NINL: variants seen among roughly 807,000 people sequenced by gnomAD.
The protein encoded by NINL is ninein-like protein.
NINL carries 153 observed loss-of-function variants against 160.3 expected under a neutral mutation model. The ratio of observed to expected loss-of-function variants is 0.95; its 90% confidence interval spans 0.84 to 1.09. NINL has a LOEUF of 1.09. Ranked by LOEUF, NINL falls within the 50% of genes least tolerant of loss-of-function variation. The pLI is 0.00. For synonymous variants in NINL, 800 were observed against 734.8 expected, an observed-to-expected ratio of 1.09 and a Z score of -1.43; for missense variants, 1,829 against 1,764.0, an observed-to-expected ratio of 1.04 and a Z score of -0.66.
chr20:25,530,878 C>CCA (rs1176495466), intron 1 of NINL, among the ~76,000 whole-genome samples: 7 of 152,156 alleles, frequency 4.6e-5, no homozygotes, highest in African/African-American at 9.7e-5. Context: ...AAGTTTCAGG[C>CCA]ACACATTGTC....
chr20:25,568,512 A>G (rs1222987140), intron 1 of NINL, among the ~76,000 whole-genome samples: 2 of 152,044 alleles, frequency 1.3e-5, no homozygotes. Flanking sequence ...CCGCTCAAGC[A>G]ATCCTCCTAC....
chr20:25,520,378 AT>A (rs2064241436), intron 2 of NINL, among the ~76,000 whole-genome samples: 1 of 152,238 alleles, frequency 6.6e-6, no homozygotes, highest in African/African-American at 2.4e-5. Flanking sequence ...AAGAATTTGC[AT>A]GAGCACACCT....
At chr20:25,552,455 A>G (rs774946993) in intron 1 of NINL, among the ~76,000 whole-genome samples, 8 of 152,076 alleles carry the variant, frequency 5.3e-5, no homozygotes, top group Non-Finnish European at 1.0e-4. Flanking sequence ...TAAATCTACT[A>G]AAAAAAATAA....
chr20:25,525,957 CA>C (rs1228991161), intron 2 of NINL, among the ~76,000 whole-genome samples: 1 of 152,194 alleles, frequency 6.6e-6, no homozygotes, highest in Non-Finnish European at 1.5e-5. Flanking sequence ...GTTCTTTCAA[CA>C]GTAGCTTGCA....
At chr20:25,541,659 G>A (rs1185939900) in intron 1 of NINL, among the ~76,000 whole-genome samples, 2 of 152,200 alleles carry the variant, frequency 1.3e-5, no homozygotes, top group African/African-American at 2.4e-5. Context: ...TATAAAATGA[G>A]CTCTTTCTAT....
At chr20:25,473,681 C>G (rs1438161412) in intron 17 of NINL, among the ~76,000 whole-genome samples, 15 of 34,458 alleles carry the variant, frequency 4.4e-4, no homozygotes, top group African/African-American at 1.8e-3. Flanking sequence ...CACATACACA[C>G]ACACACACAC....
At chr20:25,468,411 G>A (rs2062972690) in intron 18 of NINL, among the ~76,000 whole-genome samples, 2 of 149,142 alleles carry the variant, frequency 1.3e-5, no homozygotes, top group African/African-American at 5.0e-5. Flanking sequence ...TCACTGGTGG[G>A]TGCCCCCCTG....
chr20:25,580,316 AGAGT>A (rs1239374613), intron 1 of NINL, among the ~76,000 whole-genome samples: 2 of 151,852 alleles, frequency 1.3e-5, no homozygotes, highest in African/African-American at 4.8e-5. Context: ...CCTGGGCAAC[AGAGT>A]GAGACTCCAC....
chr20:25,496,577 C>T (rs1462927616), intron 10 of NINL, 86 bp downstream of exon 10: 9 of 1,523,892 alleles, frequency 5.9e-6, no homozygotes, highest in Middle Eastern at 1.7e-4. Flanking sequence ...GCAGCTCTGG[C>T]CCCTGGCAGC....
chr20:25,478,244 G>A (rs1456059278), intron 16 of NINL, among the ~76,000 whole-genome samples: 9 of 152,250 alleles, frequency 5.9e-5, no homozygotes, highest in African/African-American at 1.2e-4. Context: ...CACCGCATCC[G>A]GCCGGAAAGA....
chr20:25,546,837 C>T (rs941149028), intron 1 of NINL, among the ~76,000 whole-genome samples: 2 of 135,000 alleles, frequency 1.5e-5, no homozygotes, highest in African/African-American at 2.5e-5. Flanking sequence ...GACAAGGCAC[C>T]GTGGCCAGAC....
At chr20:25,576,410 G>A (rs1039398107) in intron 1 of NINL, among the ~76,000 whole-genome samples, 18 of 152,260 alleles carry the variant, frequency 1.2e-4, no homozygotes, top group African/African-American at 3.9e-4. Flanking sequence ...GACTGCAGCA[G>A]GGTAGTCACC....
chr20:25,453,571 T>G lies in NINL; in HGVS notation c.4029A>C (p.Ala1343=). 1 of 1,614,128 alleles carries G rather than the reference T, an allele frequency of 6.2e-7. No individual in the cohort carries two copies. Among genetic ancestry groups the G allele is most frequent in the Non-Finnish European group, 8.5e-7 (1 of 1,179,998 alleles). ...LYVENAHLVR[A]LQATEEKQRG... ...GCTGCTTCTCCTCGGTGGCCTGAAGTGCTCTCACCAGGTGGGCGTTCTCCA... is the reference window on the plus strand; with the variant it reads ...GCTGCTTCTCCTCGGTGGCCTGAAGGGCTCTCACCAGGTGGGCGTTCTCCA... Residue 1343 remains alanine (A), a synonymous_variant, in exon 24 of 24, where the codon GCA becomes GCC. Coordinates refer to ENST00000278886, the MANE Select transcript of NINL (RefSeq NM_025176.6).
Position 25,476,788 on chromosome 20 carries a change from C to T in NINL, c.2503G>A (p.Val835Met). 1 of 1,612,488 alleles carries T rather than the reference C, an allele frequency of 6.2e-7. No homozygotes were observed. The highest frequency in any genetic ancestry group is 8.5e-7 in the Non-Finnish European group (1 of 1,179,920). ...EMQALPKDGLVAGSGQEGTRG... is the reference protein window; with the variant it reads ...EMQALPKDGLMAGSGQEGTRG... ...GTGCCCTCCTGGCCACTTCCTGCCA[C>T]CAGCCCATCTTTCGGCAGGGCCTGC... is the stretch of plus-strand genomic sequence containing the variant. The change falls in exon 17 of 24, where the codon GTG becomes ATG. Residue 835 changes from valine (V) to methionine (M), a missense_variant. By Grantham distance (21) the Val-to-Met change is conservative. Coordinates refer to ENST00000278886, the MANE Select transcript of NINL (RefSeq NM_025176.6).
chr20:25,455,891 G>C (rs1174924294), intron 22 of NINL, 105 bp from the exon 23 acceptor site: 1 of 816,646 alleles, frequency 1.2e-6, no homozygotes, highest in Admixed American at 1.9e-5. Context: ...TCAGGAGTTT[G>C]AGACCAACCT....
chr20:25,520,280 G>T (rs1160335197), intron 2 of NINL, among the ~76,000 whole-genome samples: 1 of 152,064 alleles, frequency 6.6e-6, no homozygotes, highest in African/African-American at 2.4e-5. Flanking sequence ...TCAACAGAAG[G>T]GCTATTAGGC....
rs762297693 is a variant in NINL at position 25,476,395 on chromosome 20, C to A, written c.2896G>T (p.Ala966Ser). Residue 966 changes from alanine (A) to serine (S), a missense_variant, in exon 17 of 24, where the codon GCT (alanine) becomes TCT (serine). By Grantham distance (99) the Ala-to-Ser change is moderately conservative. Transcript: ENST00000278886. ...CTCTCAGCCTGTCCCCTGCACGAAG[C>A]GGCCGGCCTCAGGGGTGGCTCCCAC... is the stretch of plus-strand genomic sequence containing the variant. ...RMWEPPLRPAASCRGQAERLQ... is the reference protein window; with the variant it reads ...RMWEPPLRPASSCRGQAERLQ... 6.2e-7 allele frequency: 1 copy of A among 1,600,104 alleles called. No homozygotes were observed. The highest frequency in any genetic ancestry group is 1.7e-5 in the Admixed American group (1 of 59,114).
At chr20:25,534,802 G>A (rs1188248214) in intron 1 of NINL, among the ~76,000 whole-genome samples, 1 of 152,116 alleles carries the variant, frequency 6.6e-6, no homozygotes, top group Non-Finnish European at 1.5e-5. Flanking sequence ...AAATGATGTA[G>A]TATTTGCCTA....
At position 25,522,809 on chromosome 20, in the gene NINL, C is replaced by T. The variant is rs148445565; in HGVS notation, c.180+3599G>A. Among the ~76,000 whole-genome samples, 18 of 152,252 alleles carry T rather than the reference C, an allele frequency of 1.2e-4. 1 individual carries two copies. In the South Asian group the frequency reaches 2.7e-3, roughly 23 times the overall value. On this transcript the variant is annotated intron_variant, in intron 2 of 23. Coordinates refer to ENST00000278886, the MANE Select transcript of NINL (RefSeq NM_025176.6). The stretch of plus-strand genomic sequence containing the variant: ...GTCCTTCTTTACAGTTCACAAAAGG[C>T]GAGCGGCAACCCCATATATTCAGGT...
Sources: gnomAD v4.1 joint callset for allele counts (sites outside exome capture counted in the v4.1 genomes callset) on GRCh38, gnomAD v4.1.1 for gene constraint, MANE v1.5 for transcripts, NCBI Gene and HGNC (gene_info 2026-07-23, HGNC 2026-07-21) for gene names.